Variants in HS3ST4 observed in about 807,000 individuals in gnomAD.
HS3ST4 encodes the protein heparan sulfate-glucosamine 3-sulfotransferase 4, also known as heparan sulfate glucosamine 3-O-sulfotransferase 4.
HS3ST4 carries 17 observed loss-of-function variants against 29.2 expected under a neutral mutation model. The ratio of observed to expected loss-of-function variants is 0.58; its 90% CI spans 0.40 to 0.87. The LOEUF (loss-of-function observed/expected upper bound fraction) is 0.87, where lower values mean the gene tolerates loss of function less well. HS3ST4 is among the 40% of genes least tolerant of loss of function. The probability of loss-of-function intolerance (pLI) is 0.00; values close to 1 mark genes in which losing one functional copy is unlikely to be tolerated. For missense variants in HS3ST4, 627 were observed against 634.5 expected (o/e 0.99, Z 0.13); for synonymous variants, 314 against 285.7 (o/e 1.10, Z -1.00).
At chr16:25,974,828 A>G (rs1366947127) in intron 1 of HS3ST4, among the ~76,000 whole-genome samples, 11 of 152,230 alleles carry the variant, frequency 7.2e-5, no homozygotes, top group Admixed American at 6.5e-4. Flanking sequence ...TAAATAACTC[A>G]TAATAGGAGA....
chr16:26,054,510 G>T (rs1366718636), intron 1 of HS3ST4, among the ~76,000 whole-genome samples: 1 of 152,168 alleles, frequency 6.6e-6, no homozygotes, highest in Non-Finnish European at 1.5e-5. Flanking sequence ...AGGTGGTTCA[G>T]TGTCAGAACC....
intron 1 of HS3ST4, among the ~76,000 whole-genome samples, chr16:25,922,932 T>A (rs1022046026): frequency 7.2e-5 from 11 of 152,176 alleles, no homozygotes; most frequent in African/African-American, 2.7e-4. Flanking sequence ...TGGCAGAAGG[T>A]CAGGGCCATT....
At chr16:25,734,315 G>T (rs994509534) in intron 1 of HS3ST4, among the ~76,000 whole-genome samples, 7 of 152,272 alleles carry the variant, frequency 4.6e-5, no homozygotes, top group African/African-American at 1.4e-4. Flanking sequence ...CGCAGAATGT[G>T]CCAAACGCAT....
In HS3ST4 at chr16:25,808,507, C is replaced by T. The variant is rs182289830; in HGVS notation, c.734+115356C>T. 1.6e-3 allele frequency among the ~76,000 whole-genome samples: 249 copies of T among 152,246 alleles called. 8 individuals are homozygous for T. The highest frequency in any genetic ancestry group is 0.016 in the Admixed American group (242 of 15,296). ...ATCCTTCTACTGATACCACACTATCCTTATTACTGTGGCTATATAGTAGGC... is the reference window on the plus strand; with the variant it reads ...ATCCTTCTACTGATACCACACTATCTTTATTACTGTGGCTATATAGTAGGC... On this transcript the variant is annotated intron_variant, in intron 1 of 1. Coordinates refer to ENST00000331351, the MANE Select transcript of HS3ST4 (RefSeq NM_006040.3).
At chr16:25,755,853 C>T (rs1226652545) in intron 1 of HS3ST4, among the ~76,000 whole-genome samples, 8 of 151,906 alleles carry the variant, frequency 5.3e-5, no homozygotes, top group Non-Finnish European at 7.4e-5. Context: ...AAATTGATGC[C>T]GAGTATCAGT....
At chr16:25,928,058 A>AAG in intron 1 of HS3ST4, among the ~76,000 whole-genome samples, 1 of 149,662 alleles carries the variant, frequency 6.7e-6, no homozygotes, top group African/African-American at 2.4e-5. Context: ...AAAAAAAAAA[A>AAG]GGTAGCCAGG....
At chr16:26,090,728 C>G (rs959954295) in intron 1 of HS3ST4, among the ~76,000 whole-genome samples, 7 of 152,108 alleles carry the variant, frequency 4.6e-5, no homozygotes, top group Non-Finnish European at 8.8e-5. Flanking sequence ...AGTTGCGGAG[C>G]CTCCAAGCCA....
At chr16:26,049,017 G>A (rs1461917631) in intron 1 of HS3ST4, among the ~76,000 whole-genome samples, 2 of 151,960 alleles carry the variant, frequency 1.3e-5, no homozygotes, top group Non-Finnish European at 2.9e-5. Flanking sequence ...ATGATATCTA[G>A]CTAAAATCGG....
At chr16:25,893,204 G>A (rs1968027318) in intron 1 of HS3ST4, among the ~76,000 whole-genome samples, 1 of 152,204 alleles carries the variant, frequency 6.6e-6, no homozygotes, top group African/African-American at 2.4e-5. Context: ...CTGGGGCTTA[G>A]TGATCAAAGA....
At chr16:25,767,173 G>A (rs1448404352) in intron 1 of HS3ST4, among the ~76,000 whole-genome samples, 2 of 152,148 alleles carry the variant, frequency 1.3e-5, no homozygotes, top group Non-Finnish European at 2.9e-5. Flanking sequence ...GGGAACTTTA[G>A]CTTCTTGTTT....
At position 26,048,616 on chromosome 16, in the gene HS3ST4, C is replaced by T. The variant is rs781558729; in HGVS notation, c.735-86996C>T. On this transcript the variant is annotated intron_variant, in intron 1 of 1. Transcript: ENST00000331351. ...AGGATCCTGGGCCTTGAGAGGATCCCGAGAGTTTGAGACCAGCCTGGGCAA... is the reference window on the plus strand; with the variant it reads ...AGGATCCTGGGCCTTGAGAGGATCCTGAGAGTTTGAGACCAGCCTGGGCAA... Among the ~76,000 whole-genome samples the T allele has an allele frequency of 5.9e-5, 9 of 151,952 alleles. No individual in the cohort carries two copies. In the South Asian group the frequency reaches 6.2e-4, roughly 11 times the overall value.
chr16:25,744,355 C>T (rs2141598956), intron 1 of HS3ST4, among the ~76,000 whole-genome samples: 1 of 152,278 alleles, frequency 6.6e-6, no homozygotes, highest in South Asian at 2.1e-4. Context: ...TCACCTAGTA[C>T]ACTGGATAAT....
rs550609790 is a variant in HS3ST4 at position 25,911,973 on chromosome 16, T to C, written c.734+218822T>C. On this transcript the variant is annotated intron_variant, in intron 1 of 1. Transcript: ENST00000331351. Reference sequence around the variant, plus strand: ...AATGCAGCACGGAACAGGAAAAAGATGGGGTTTGGGTAAAGCAAGATCCAG... The same window carrying C: ...AATGCAGCACGGAACAGGAAAAAGACGGGGTTTGGGTAAAGCAAGATCCAG... 4.0e-4 allele frequency among the ~76,000 whole-genome samples: 61 copies of C among 152,124 alleles called. 1 individual carries two copies. Among genetic ancestry groups the C allele is most frequent in the South Asian group, 4.2e-4 (2 of 4,806 alleles).
At chr16:25,912,497 A>G (rs1475385315) in intron 1 of HS3ST4, among the ~76,000 whole-genome samples, 1 of 100,748 alleles carries the variant, frequency 9.9e-6, no homozygotes, top group Non-Finnish European at 1.9e-5. Context: ...CCTGCCCCAC[A>G]CACCTGCCTG....
intron 1 of HS3ST4, among the ~76,000 whole-genome samples, chr16:25,890,546 A>G (rs150756288): frequency 9.9e-4 from 150 of 152,274 alleles, no homozygotes; most frequent in Non-Finnish European, 1.8e-3. Context: ...GGAAATTTAG[A>G]CCAGGGCTCT....
chr16:25,796,235 A>G (rs1966885199), intron 1 of HS3ST4, among the ~76,000 whole-genome samples: 1 of 152,118 alleles, frequency 6.6e-6, no homozygotes, highest in Non-Finnish European at 1.5e-5. Flanking sequence ...TCATTGATCA[A>G]TGTCCTGTGG....
intron 1 of HS3ST4, among the ~76,000 whole-genome samples, chr16:25,832,968 C>T (rs984081319): frequency 2.6e-5 from 4 of 152,170 alleles, no homozygotes; most frequent in South Asian, 2.1e-4. Context: ...TGGCTAAGTT[C>T]GCATCCTTTA....
chr16:25,849,078 A>G (rs1223989975), intron 1 of HS3ST4, among the ~76,000 whole-genome samples: 2 of 152,130 alleles, frequency 1.3e-5, no homozygotes, highest in African/African-American at 4.8e-5. Flanking sequence ...TGGTGGTGTT[A>G]CTTATTTTTG....
chr16:26,090,639 C>T (rs1217884766), intron 1 of HS3ST4, among the ~76,000 whole-genome samples: 1 of 151,984 alleles, frequency 6.6e-6, no homozygotes, highest in Non-Finnish European at 1.5e-5. Flanking sequence ...CTTGGAGACC[C>T]TCGGGGCCCA....
Sources: gnomAD v4.1 joint callset for allele counts (sites outside exome capture counted in the v4.1 genomes callset) on GRCh38, gnomAD v4.1.1 for gene constraint, MANE v1.5 for transcripts, NCBI Gene and HGNC (gene_info 2026-07-23, HGNC 2026-07-21) for gene names.